The following PAK5 variants were observed in gnomAD, a reference collection of about 807,000 sequenced individuals.
PAK5 encodes the protein p21 (RAC1) activated kinase 5.
Under a neutral mutation model 65.9 loss-of-function variants are expected in PAK5, and 16 were observed. The observed-to-expected ratio is 0.24, with a 90% CI of 0.16 to 0.37. PAK5 has a LOEUF of 0.37. Ranked by LOEUF, PAK5 falls within the 10% of genes least tolerant of loss-of-function variation. The pLI, the probability that PAK5 is intolerant of heterozygous loss-of-function variation, is 1.00. For synonymous variants in PAK5, 371 were observed against 354.9 expected, an observed-to-expected ratio of 1.05 and a Z score of -0.51; for missense variants, 785 against 903.9, an observed-to-expected ratio of 0.87 and a Z score of 1.69.
At chr20:9,680,054 T>A (rs374327191) in intron 2 of PAK5, among the ~76,000 whole-genome samples, 2 of 152,238 alleles carry the variant, frequency 1.3e-5, no homozygotes, top group African/African-American at 4.8e-5. Context: ...AACCTACCTA[T>A]GTGATCCGTT....
chr20:9,664,672 C>T (rs2047389335), intron 2 of PAK5, among the ~76,000 whole-genome samples: 1 of 152,048 alleles, frequency 6.6e-6, no homozygotes, highest in African/African-American at 2.4e-5. Context: ...CTGTAGTTAT[C>T]GTCTTGTGTC....
At chr20:9,641,766 G>T (rs1401870754) in intron 3 of PAK5, among the ~76,000 whole-genome samples, 1 of 152,122 alleles carries the variant, frequency 6.6e-6, no homozygotes, top group Non-Finnish European at 1.5e-5. Flanking sequence ...GCGAGAAATC[G>T]AGCACAGCGC....
chr20:9,685,858 T>C (rs2047712286), intron 2 of PAK5, among the ~76,000 whole-genome samples: 1 of 152,220 alleles, frequency 6.6e-6, no homozygotes. Context: ...TGACACCCTC[T>C]GTGTTATGAA....
chr20:9,564,563 T>C (rs2045642666), intron 5 of PAK5, among the ~76,000 whole-genome samples: 1 of 152,216 alleles, frequency 6.6e-6, no homozygotes, highest in Non-Finnish European at 1.5e-5. Context: ...TCAATGACGC[T>C]AGTGAAGGTG....
At position 9,734,552 on chromosome 20, in the gene PAK5, G is replaced by GCACACACA. The variant is rs56706449; in HGVS notation, c.-161-23125_-161-23118dup. 6.9e-3 allele frequency among the ~76,000 whole-genome samples: 1,030 copies of GCACACACA among 149,394 alleles called. 3 individuals are homozygous for GCACACACA. Among genetic ancestry groups the GCACACACA allele is most frequent in the African/African-American group, 0.013 (514 of 40,660 alleles). On this transcript the variant is annotated intron_variant, in intron 1 of 9. Transcript: ENST00000353224. ...GACTGATAGACACACACGCGCACAT[G>GCACACACA]CACACACACACACACACACACATAC...
At chr20:9,665,085 G>GGTTTTTTTTTTTTT (rs1555910638) in intron 2 of PAK5, among the ~76,000 whole-genome samples, 7 of 98,920 alleles carry the variant, frequency 7.1e-5, no homozygotes, top group Non-Finnish European at 1.1e-4. Flanking sequence ...AAATTTTTCT[G>GGTTTTTTTTTTTTT]TTTTTTTTTT....
At chr20:9,820,298 G>C (rs2049404409) in intron 1 of PAK5, among the ~76,000 whole-genome samples, 2 of 152,122 alleles carry the variant, frequency 1.3e-5, no homozygotes, top group South Asian at 2.1e-4. Flanking sequence ...TTCTTTAAAT[G>C]CATTTTATAA....
chr20:9,543,343 G>A (rs2045296107), intron 8 of PAK5, among the ~76,000 whole-genome samples: 1 of 152,058 alleles, frequency 6.6e-6, no homozygotes, highest in Non-Finnish European at 1.5e-5. Flanking sequence ...GGGAAGTCGA[G>A]ACAATGAGGA....
At chr20:9,551,028 G>T (rs573246494) in intron 7 of PAK5, among the ~76,000 whole-genome samples, 45 of 152,180 alleles carry the variant, frequency 3.0e-4, no homozygotes, top group African/African-American at 1.1e-3. Flanking sequence ...ATGAGCAATT[G>T]AAACTCGACA....
At chr20:9,555,067 T>C (rs1424198736) in intron 7 of PAK5, among the ~76,000 whole-genome samples, 1 of 152,182 alleles carries the variant, frequency 6.6e-6, no homozygotes, top group African/African-American at 2.4e-5. Flanking sequence ...ATTTTGTTTG[T>C]TTATTTATCT....
At chr20:9,587,350 AT>A (rs1165487899) in intron 3 of PAK5, among the ~76,000 whole-genome samples, 1 of 152,238 alleles carries the variant, frequency 6.6e-6, no homozygotes, top group East Asian at 1.9e-4. Flanking sequence ...TCTCAAATTA[AT>A]TACAATTGTT....
intron 3 of PAK5, among the ~76,000 whole-genome samples, chr20:9,600,918 A>C (rs1295589210): frequency 6.6e-6 from 1 of 152,168 alleles, no homozygotes; most frequent in Non-Finnish European, 1.5e-5. Context: ...TCCTGTCTGC[A>C]TAGCCTGTGT....
chr20:9,812,120 C>A (rs2049304520), intron 1 of PAK5, among the ~76,000 whole-genome samples: 1 of 151,890 alleles, frequency 6.6e-6, no homozygotes, highest in African/African-American at 2.4e-5. Context: ...TTTTGAGCAC[C>A]AACATGTGCC....
intron 1 of PAK5, among the ~76,000 whole-genome samples, chr20:9,746,281 G>T (rs1467725703): frequency 1.3e-5 from 2 of 152,090 alleles, no homozygotes; most frequent in African/African-American, 4.8e-5. Flanking sequence ...GGCAGTGCAG[G>T]TCTTGGAACG....
At chr20:9,627,303 C>T (rs2046857657) in intron 3 of PAK5, among the ~76,000 whole-genome samples, 1 of 152,212 alleles carries the variant, frequency 6.6e-6, no homozygotes, top group South Asian at 2.1e-4. Flanking sequence ...TCCTTTTCCC[C>T]ACCCCTACAG....
At position 9,624,645 on chromosome 20, in the gene PAK5, G is replaced by A. The variant is rs73065607; in HGVS notation, c.204+19480C>T. ...ACAAGTCACAGCGATCTCAAACACA[G>A]CTCTGTGCTTTGTGGAAAGGCCCTG... is the stretch of plus-strand genomic sequence containing the variant. On this transcript the variant is annotated intron_variant, in intron 3 of 9. Transcript: ENST00000353224. Among the ~76,000 whole-genome samples the A allele has an allele frequency of 8.7e-3, 1,327 of 151,898 alleles. 9 individuals carry two copies. Among genetic ancestry groups the A allele is most frequent in the Non-Finnish European group, 0.013 (870 of 67,980 alleles).
At chr20:9,588,300 C>T (rs1396979787) in intron 3 of PAK5, among the ~76,000 whole-genome samples, 1 of 152,212 alleles carries the variant, frequency 6.6e-6, no homozygotes, top group East Asian at 1.9e-4. Flanking sequence ...GAAACTAAGG[C>T]ATGTCCTAAG....
chr20:9,606,864 T>A (rs973374303), intron 3 of PAK5, among the ~76,000 whole-genome samples: 1 of 152,142 alleles, frequency 6.6e-6, no homozygotes, highest in South Asian at 2.1e-4. Context: ...AGTATAGGCC[T>A]TGGTTTTCAA....
chr20:9,740,586 A>G (rs2048440602), intron 1 of PAK5, among the ~76,000 whole-genome samples: 1 of 152,178 alleles, frequency 6.6e-6, no homozygotes, highest in African/African-American at 2.4e-5. Flanking sequence ...TGAGAGACCT[A>G]TGTGTTTTCT....
Sources: gnomAD v4.1 joint callset for allele counts (sites outside exome capture counted in the v4.1 genomes callset) on GRCh38, gnomAD v4.1.1 for gene constraint, MANE v1.5 for transcripts, NCBI Gene and HGNC (gene_info 2026-07-23, HGNC 2026-07-21) for gene names.